The following GOLGA6L2 variants were observed in gnomAD, a reference collection of about 807,000 sequenced individuals.
GOLGA6L2 encodes the protein golgin subfamily A member 6-like protein 2.
Under a neutral mutation model 35.9 loss-of-function variants are expected in GOLGA6L2, and 30 were observed. The ratio of observed to expected loss-of-function variants is 0.83; its 90% CI spans 0.62 to 1.13. GOLGA6L2 has a LOEUF of 1.13. Ranked by LOEUF, GOLGA6L2 falls within the 50% of genes most tolerant of loss-of-function variation. The probability of loss-of-function intolerance (pLI) is 0.00; values close to 1 mark genes in which losing one functional copy is unlikely to be tolerated. For synonymous variants in GOLGA6L2, 297 were observed against 344.0 expected (o/e 0.86, Z 1.51); for missense variants, 821 against 973.4 (o/e 0.84, Z 2.08).
At chr15:23,442,220 C>G in intron 6 of GOLGA6L2, 100 bp from the exon 7 acceptor site, 1 of 1,361,686 alleles carries the variant, frequency 7.3e-7, no homozygotes, top group South Asian at 1.3e-5. Context: ...AGAACCGTGG[C>G]ACTGGAAGGG....
At chr15:23,444,760 G>A (rs368032156) in intron 2 of GOLGA6L2, among the ~76,000 whole-genome samples, 125 of 152,340 alleles carry the variant, frequency 8.2e-4, no homozygotes, top group African/African-American at 3.0e-3. Flanking sequence ...GAGATGGAGT[G>A]TGAGAAAAGC....
Position 23,440,843 on chromosome 15 carries a change from A to G in GOLGA6L2, c.1632T>C (p.Asp544=). The change falls in exon 8 of 8, where the codon GAT becomes GAC. Residue 544 remains aspartate (D), a synonymous_variant. Transcript: ENST00000567107. ...CTGCAGCCTCTCCTCCTGTCTCCAC[A>G]TCTTCCTGCTCCCGCATCTTCTCCT... ...WRQEKMREQE[D]VETGGEAAGA... is the part of the protein sequence containing the mutation. 4 of 1,489,816 alleles carry G rather than the reference A, an allele frequency of 2.7e-6. No homozygotes were observed. Among genetic ancestry groups the G allele is most frequent in the Non-Finnish European group, 3.6e-6 (4 of 1,119,304 alleles). The allele number at this position is 1,489,816 out of a possible 1,614,324, so 92.3% of individuals were successfully genotyped here. A position where few individuals can be genotyped will look rare whatever the true frequency, so the allele number is the denominator to read the frequency against.
At chr15:23,445,898 A>C (rs1465012777) in intron 1 of GOLGA6L2, among the ~76,000 whole-genome samples, 1 of 152,216 alleles carries the variant, frequency 6.6e-6, no homozygotes, top group Non-Finnish European at 1.5e-5. Flanking sequence ...GATTCATTTC[A>C]GTGAGAAGTC....
chr15:23,439,233 C>T lies in GOLGA6L2; in HGVS notation c.*512G>A, dbSNP rs1328664251. ...TGGTGTGATCTTGGCTCACTGCAGCCTCCTGAGTAGCTGTGATTACAGGCG... is the reference window on the plus strand; with the variant it reads ...TGGTGTGATCTTGGCTCACTGCAGCTTCCTGAGTAGCTGTGATTACAGGCG... On this transcript the variant is annotated 3_prime_UTR_variant, in exon 8 of 8. Coordinates refer to ENST00000567107, the MANE Select transcript of GOLGA6L2 (RefSeq NM_001304388.2). Among the ~76,000 whole-genome samples the T allele has an allele frequency of 4.7e-5, 7 of 148,592 alleles. No homozygotes were observed. The highest frequency in any genetic ancestry group is 2.1e-4 in the South Asian group (1 of 4,694).
At chr15:23,445,162 G>T in intron 2 of GOLGA6L2, 148 bp downstream of exon 2, 1 of 119,204 alleles carries the variant, frequency 8.4e-6, no homozygotes, top group Non-Finnish European at 1.7e-5. Flanking sequence ...TCCCTAAACC[G>T]TGTCCCTCGC....
At chr15:23,443,258 C>T (rs921574075) in intron 5 of GOLGA6L2, among the ~76,000 whole-genome samples, 1 of 152,172 alleles carries the variant, frequency 6.6e-6, no homozygotes. Context: ...GATACATTGG[C>T]ATAGTCCAAA....
At chr15:23,441,792 T>G in intron 7 of GOLGA6L2, 110 bp from the exon 8 acceptor site, 1 of 1,362,424 alleles carries the variant, frequency 7.3e-7, no homozygotes, top group Non-Finnish European at 9.7e-7. Flanking sequence ...ACTGAGGTTC[T>G]GATTTCCCAG....
chr15:23,443,388 AC>A lies in GOLGA6L2; in HGVS notation c.591+388del, dbSNP rs1483626838. Among the ~76,000 whole-genome samples the A allele has an allele frequency of 3.1e-3, 469 of 152,200 alleles. 1 individual carries two copies. The highest frequency in any genetic ancestry group is 0.011 in the African/African-American group (458 of 41,502). ...GTTACCATAATACGTACACACACACACACACACACACACGCACATGCACACT... is the reference window on the plus strand; with the variant it reads ...GTTACCATAATACGTACACACACACAACACACACACACGCACATGCACACT... On this transcript the variant is annotated intron_variant, in intron 5 of 7. Coordinates refer to ENST00000567107, the MANE Select transcript of GOLGA6L2 (RefSeq NM_001304388.2).
In GOLGA6L2 at chr15:23,447,152, G is replaced by C. The variant is rs765308989; in HGVS notation, c.30C>G (p.His10Gln). The C allele has an allele frequency of 1.9e-6, 3 of 1,595,296 alleles. No homozygotes were observed. The highest frequency in any genetic ancestry group is 2.0e-4 in the Middle Eastern group (1 of 5,036). MWPQPHLPP[H>Q]PMMSEKTRQN... is the part of the protein sequence containing the mutation. Reference sequence around the variant, plus strand: ...GTCTGGTTTTTTCTGACATCATGGGGTGGGGAGGGAGGTGGGGTTGGGGCC... The same window carrying C: ...GTCTGGTTTTTTCTGACATCATGGGCTGGGGAGGGAGGTGGGGTTGGGGCC... Residue 10 changes from histidine to glutamine, a missense_variant, in exon 1 of 8, where the codon CAC (histidine) becomes CAG (glutamine). By Grantham distance (24) the His-to-Gln change is conservative (BLOSUM62 0). Coordinates refer to ENST00000567107, the MANE Select transcript of GOLGA6L2 (RefSeq NM_001304388.2).
Position 23,440,206 on chromosome 15 carries a change from C to A in GOLGA6L2, c.2269G>T (p.Asp757Tyr). 1 of 563,196 alleles carries A rather than the reference C, an allele frequency of 1.8e-6. No individual in the cohort carries two copies. The highest frequency in any genetic ancestry group is 1.7e-5 in the South Asian group (1 of 58,740). 34.9% of individuals were successfully genotyped at this position (563,196 alleles called of 1,614,324 possible). A position where few individuals can be genotyped will look rare whatever the true frequency, so the allele number is the denominator to read the frequency against. ...GAEDVAAGGE[D>Y]AGEEEDAGGE... ...CCTGCGTCTTCTTCTTCTCCCGCAT[C>A]TTCTCCACCTGCTGCCACATCTTCT... The change falls in exon 8 of 8, where the codon GAT becomes TAT. Residue 757 changes from aspartate to tyrosine, a missense_variant. This residue lies in a region of GOLGA6L2 where 99 missense variants were observed against 199.9 expected (regional missense o/e 0.50). Coordinates refer to ENST00000567107, the MANE Select transcript of GOLGA6L2 (RefSeq NM_001304388.2).
Position 23,447,208 on chromosome 15 carries a change from TACACCTCCAGTC to T in GOLGA6L2, c.-39_-28del. 1 of 1,315,206 alleles carries T rather than the reference TACACCTCCAGTC, an allele frequency of 7.6e-7. No individual in the cohort carries two copies. The highest frequency in any genetic ancestry group is 1.2e-5 in the South Asian group (1 of 84,604). 81.5% of individuals were successfully genotyped at this position (1,315,206 alleles called of 1,614,324 possible). A position where few individuals can be genotyped will look rare whatever the true frequency, so the allele number is the denominator to read the frequency against. On this transcript the variant is annotated 5_prime_UTR_variant, in exon 1 of 8. Transcript: ENST00000567107. ...AGCGTGATTCAGACGAGGACAAGGA[TACACCTCCAGTC>T]ACGTACCACGCAGCTATGTGACTGA...
Position 23,440,479 on chromosome 15 carries a change from C to T in GOLGA6L2, c.1996G>A (p.Glu666Lys). The part of the protein sequence containing the change: ...AGREDAGAGG[E>K]DVGAGREDAG... ...TCTTCTCTTCCTGCTCCCACATCTT[C>T]TCCTCCTGCTCCCGCATCTTCTCTT... The change falls in exon 8 of 8, where the codon GAA becomes AAA. Residue 666 changes from glutamate to lysine, a missense_variant. Glu to Lys is a moderately conservative substitution (Grantham distance 56, BLOSUM62 1). Transcript: ENST00000567107. 1 of 302,628 alleles carries T rather than the reference C, an allele frequency of 3.3e-6. No individual in the cohort carries two copies. 18.7% of individuals were successfully genotyped at this position (302,628 alleles called of 1,614,324 possible).
rs769179590 is a variant in GOLGA6L2, at chr15:23,447,091, G to A, written c.84+7C>T. 52 of 1,357,126 alleles carry A rather than the reference G, an allele frequency of 3.8e-5. 1 individual carries two copies. The highest frequency in any genetic ancestry group is 2.7e-4 in the African/African-American group (18 of 67,506). The allele number at this position is 1,357,126 out of a possible 1,614,324, so 84.1% of individuals were successfully genotyped here. A position where few individuals can be genotyped will look rare whatever the true frequency, so the allele number is the denominator to read the frequency against. On this transcript the variant is annotated splice_region_variant and intron_variant, in intron 1 of 7. Transcript: ENST00000567107. ...GGGTTGGGGTGCCGCAACCCAGTGA[G>A]TTTTACCTTTTTCTTGGCCTCAGCC...
chr15:23,442,906 T>C (rs562396403), intron 5 of GOLGA6L2, among the ~76,000 whole-genome samples: 1 of 152,228 alleles, frequency 6.6e-6, no homozygotes, highest in East Asian at 1.9e-4. Context: ...ACTGAATTGA[T>C]AGCTGGCTAA....
chr15:23,444,418 C>CT, intron 3 of GOLGA6L2, 53 bp downstream of exon 3: 2 of 1,578,696 alleles, frequency 1.3e-6, no homozygotes, highest in East Asian at 4.5e-5. Flanking sequence ...GCCTCTACAT[C>CT]TGAGTGCCCT....
In GOLGA6L2 at chr15:23,442,048, C is replaced by CTTTT; in HGVS notation, c.719_722dup (p.Ser242LysfsTer3). ...CCTTCACGTTGAGCTGGATCTCAGACTTTTCAGATTCTGCAAGTCGAAGTT... is the reference window on the plus strand; with the variant it reads ...CCTTCACGTTGAGCTGGATCTCAGACTTTTTTTTCAGATTCTGCAAGTCGAAGTT... On this transcript the variant is annotated frameshift_variant, in exon 7 of 8. Coordinates refer to ENST00000567107, the MANE Select transcript of GOLGA6L2 (RefSeq NM_001304388.2). LOFTEE classifies it high-confidence loss of function. The CTTTT allele has an allele frequency of 6.5e-7, 1 of 1,544,656 alleles. No homozygotes were observed. Among genetic ancestry groups the CTTTT allele is most frequent in the African/African-American group, 1.4e-5 (1 of 73,628 alleles).
chr15:23,444,247 G>T, intron 3 of GOLGA6L2, 35 bp from the exon 4 acceptor site: 1 of 1,596,534 alleles, frequency 6.3e-7, no homozygotes. Context: ...CTTACTAGGG[G>T]GAGGCAGAGA....
Position 23,441,367 on chromosome 15 carries a change from T to G in GOLGA6L2, c.1108A>C (p.Lys370Gln). Reference sequence around the variant, plus strand: ...AGCCTCTCCTCCTGTCTCCACATCTTCTCTTCCTGCTCCCGCATCTTCTCC... The same window carrying G: ...AGCCTCTCCTCCTGTCTCCACATCTGCTCTTCCTGCTCCCGCATCTTCTCC... ...QEEKMREQEE[K>Q]MWRQEERLWE... Residue 370 changes from lysine to glutamine, a missense_variant, in exon 8 of 8, where the codon AAG becomes CAG. Physicochemically the swap from Lys to Gln is moderately conservative, Grantham distance 53. Transcript: ENST00000567107. 6.5e-7 allele frequency: 1 copy of G among 1,531,536 alleles called. No homozygotes were observed. Among genetic ancestry groups the G allele is most frequent in the Non-Finnish European group, 8.8e-7 (1 of 1,141,914 alleles). 94.9% of individuals were successfully genotyped at this position (1,531,536 alleles called of 1,614,324 possible).
At chr15:23,443,658 A>G (rs1168095110) in intron 5 of GOLGA6L2, 119 bp downstream of exon 5, 6 of 878,934 alleles carry the variant, frequency 6.8e-6, no homozygotes, top group African/African-American at 1.6e-5. Flanking sequence ...AAAAGCAGCA[A>G]GAAATGACCC....
Sources: gnomAD v4.1 joint callset for allele counts (sites outside exome capture counted in the v4.1 genomes callset) on GRCh38, gnomAD v4.1.1 for gene constraint, gnomAD v4.1.1 regional missense constraint, MANE v1.5 for transcripts, NCBI Gene and HGNC (gene_info 2026-07-23, HGNC 2026-07-21) for gene names.